The following SLC6A16 variants were observed in gnomAD, a reference collection of about 807,000 sequenced individuals.
SLC6A16 encodes the protein solute carrier family 6 member 16.
SLC6A16 carries 54 observed loss-of-function variants against 65.4 expected under a neutral mutation model. The ratio of observed to expected loss-of-function variants is 0.83; its 90% CI spans 0.66 to 1.04. The LOEUF (loss-of-function observed/expected upper bound fraction) is 1.04, where lower values mean the gene tolerates loss of function less well. Ranked by LOEUF, SLC6A16 falls within the 50% of genes least tolerant of loss-of-function variation. The pLI is 0.00. For synonymous variants in SLC6A16, 330 were observed against 346.5 expected (o/e 0.95, Z 0.53); for missense variants, 816 against 914.0 (o/e 0.89, Z 1.38).
Position 49,309,047 on chromosome 19 carries a change from C to A in SLC6A16, c.1058G>T (p.Gly353Val). 4 of 1,614,214 alleles carry A rather than the reference C, an allele frequency of 2.5e-6. No individual in the cohort carries two copies. Among genetic ancestry groups the A allele is most frequent in the Non-Finnish European group, 3.4e-6 (4 of 1,180,036 alleles). Residue 353 changes from glycine to valine, a missense_variant, in exon 7 of 12, where the codon GGC (glycine) becomes GTC (valine). Gly to Val is a moderately radical substitution (Grantham distance 109). Transcript: ENST00000335875. ...GGQVLSNTGI[G>V]LGSVASLASY... ...GGCTAAGGAGGCAACGGAGCCAAGG[C>A]CTATGCCTGTGTTAGACAAAACTTG... is the stretch of plus-strand genomic sequence containing the variant.
At chr19:49,291,920 A>G (rs1363377734) in intron 10 of SLC6A16, among the ~76,000 whole-genome samples, 2 of 152,046 alleles carry the variant, frequency 1.3e-5, no homozygotes, top group Non-Finnish European at 2.9e-5. Flanking sequence ...TACCTCTACT[A>G]TAGACTTACA....
rs923950883 is a variant in SLC6A16, at chr19:49,325,159, C to T, written c.-176G>A. On this transcript the variant is annotated 5_prime_UTR_variant, in exon 1 of 12. Transcript: ENST00000335875. ...AATCTCCTCAGGCCCCTTCAGGCGT[C>T]GACAGATCGGTTTGGGCGACACCCC... The T allele has an allele frequency of 2.0e-5, 20 of 985,364 alleles. No individual in the cohort carries two copies. The highest frequency in any genetic ancestry group is 1.2e-4 in the African/African-American group (7 of 57,234). 61.0% of individuals were successfully genotyped at this position (985,364 alleles called of 1,614,324 possible).
chr19:49,314,336 T>C (rs1167970526), intron 1 of SLC6A16, among the ~76,000 whole-genome samples: 1 of 152,164 alleles, frequency 6.6e-6, no homozygotes, highest in African/African-American at 2.4e-5. Context: ...CTCTTCCTTA[T>C]AGTAGAATAC....
At chr19:49,315,449 A>G (rs1419779392) in intron 1 of SLC6A16, among the ~76,000 whole-genome samples, 2 of 152,224 alleles carry the variant, frequency 1.3e-5, no homozygotes, top group Non-Finnish European at 2.9e-5. Context: ...AGAGAGAAGC[A>G]GAAAATCATG....
chr19:49,310,017 CTCT>C lies in SLC6A16; in HGVS notation c.700+20_700+22del. ...TCTACTTCTCCATTTTTCCCTTCTC[CTCT>C]TCTTTCACTTCCTCCTCACCAAAGC... On this transcript the variant is annotated intron_variant, in intron 4 of 11. Coordinates refer to ENST00000335875, the MANE Select transcript of SLC6A16 (RefSeq NM_014037.3). 1 of 1,610,966 alleles carries C rather than the reference CTCT, an allele frequency of 6.2e-7. No individual in the cohort carries two copies. Among genetic ancestry groups the C allele is most frequent in the Non-Finnish European group, 8.5e-7 (1 of 1,177,904 alleles).
At position 49,311,139 on chromosome 19, in the gene SLC6A16, G is replaced by T; in HGVS notation, c.209C>A (p.Ser70Tyr). 2 of 1,614,196 alleles carry T rather than the reference G, an allele frequency of 1.2e-6. No homozygotes were observed. Among genetic ancestry groups the T allele is most frequent in the Non-Finnish European group, 1.7e-6 (2 of 1,180,034 alleles). Residue 70 changes from serine to tyrosine, a missense_variant, in exon 2 of 12, where the codon TCT becomes TAT. Physicochemically the swap from Ser to Tyr is moderately radical, Grantham distance 144. Transcript: ENST00000335875. ...QARTSQPKQI[S>Y]VLEALTASAL... Reference sequence around the variant, plus strand: ...TGAGGCAGTTAACGCCTCCAATACAGAAATTTGCTTGGGCTGACTGGTCCT... The same window carrying T: ...TGAGGCAGTTAACGCCTCCAATACATAAATTTGCTTGGGCTGACTGGTCCT...
Position 49,325,091 on chromosome 19 carries a change from G to A in SLC6A16, c.-108C>T, listed in dbSNP as rs149878262. On this transcript the variant is annotated 5_prime_UTR_variant, in exon 1 of 12. Coordinates refer to ENST00000335875, the MANE Select transcript of SLC6A16 (RefSeq NM_014037.3). ...GCCAGGTTCTTCAGTCCAGCCAGTC[G>A]GACAAAAATGAGGGTGAAGAAGCCC... 5 of 985,582 alleles carry A rather than the reference G, an allele frequency of 5.1e-6. No individual in the cohort carries two copies. The highest frequency in any genetic ancestry group is 6.0e-6 in the Non-Finnish European group (5 of 830,056). 61.1% of individuals were successfully genotyped at this position (985,582 alleles called of 1,614,324 possible).
upstream of SLC6A16, among the ~76,000 whole-genome samples, chr19:49,326,336 C>T (rs928276564): frequency 2.6e-5 from 4 of 152,076 alleles, no homozygotes; most frequent in African/African-American, 9.7e-5. Context: ...TTCTGGCAAA[C>T]ATCACTATAT....
At chr19:49,312,033 C>T (rs971644370) in intron 1 of SLC6A16, among the ~76,000 whole-genome samples, 1 of 151,110 alleles carries the variant, frequency 6.6e-6, no homozygotes, top group Admixed American at 6.6e-5. Context: ...CCCACTACCA[C>T]ACCTGACTAA....
the SLC6A16 span, chr19:49,339,449 A>C: frequency 6.3e-7 from 1 of 1,591,088 alleles, no homozygotes; most frequent in Non-Finnish European, 8.6e-7. The surrounding 1 kb of genome is among the most constrained non-coding windows in gnomAD (Gnocchi z 4.5). Flanking sequence ...GATCGGCCCT[A>C]AATCCCTAGA....
chr19:49,327,802 G>T (rs2146192387), upstream of SLC6A16, among the ~76,000 whole-genome samples: 1 of 152,270 alleles, frequency 6.6e-6, no homozygotes, highest in South Asian at 2.1e-4. Context: ...GCATAGGGAA[G>T]AACATTCCAG....
chr19:49,332,098 C>T, the SLC6A16 span: 1 of 456,040 alleles, frequency 2.2e-6, no homozygotes, highest in Non-Finnish European at 4.4e-6. Context: ...GTCACCAGGG[C>T]CACACTCCCT....
chr19:49,327,936 T>G (rs1281942117), upstream of SLC6A16, among the ~76,000 whole-genome samples: 1 of 152,220 alleles, frequency 6.6e-6, no homozygotes, highest in East Asian at 1.9e-4. Flanking sequence ...ACAGATCAGA[T>G]CAGAGCAGTG....
the SLC6A16 span, among the ~76,000 whole-genome samples, chr19:49,333,482 A>C: frequency 7.2e-5 from 11 of 152,182 alleles, no homozygotes; most frequent in Non-Finnish European, 1.5e-4. Flanking sequence ...CAACCACCAA[A>C]AAAATAAAAG....
In SLC6A16 at chr19:49,293,772, C is replaced by G. The variant is rs985069303; in HGVS notation, c.1618+55G>C. ...GGGACCCTGTCCCAAAAAAAGAGTC[C>G]CAGTGGTGTCAGGGGTCAGGGTCAT... is the stretch of plus-strand genomic sequence containing the variant. On this transcript the variant is annotated intron_variant, in intron 9 of 11. Coordinates refer to ENST00000335875, the MANE Select transcript of SLC6A16 (RefSeq NM_014037.3). The G allele has an allele frequency of 5.4e-6, 8 of 1,495,010 alleles. No homozygotes were observed. The African/African-American group carries it at 9.7e-5, about 18-fold the overall frequency. The allele number at this position is 1,495,010 out of a possible 1,614,324, so 92.6% of individuals were successfully genotyped here.
chr19:49,339,668 T>C, the SLC6A16 span: 14 of 1,428,146 alleles, frequency 9.8e-6, no homozygotes, highest in South Asian at 4.5e-5. The surrounding 1 kb of genome is among the most constrained non-coding windows in gnomAD (Gnocchi z 4.5). Context: ...ATGACTGTCA[T>C]GGTGCTGAGC....
chr19:49,294,455 T>C lies in SLC6A16; in HGVS notation c.1328A>G (p.Asn443Ser). ...NLLYNPTSIY[N>S]AWLSGLPQHI... ...CTGGGGAAGGCCACTGAGCCAGGCATTGTAGATGGAGGTTGGGTTGTAAAG... is the reference window on the plus strand; with the variant it reads ...CTGGGGAAGGCCACTGAGCCAGGCACTGTAGATGGAGGTTGGGTTGTAAAG... Residue 443 changes from asparagine to serine, a missense_variant, in exon 8 of 12, where the codon AAT (asparagine) becomes AGT (serine). Physicochemically the swap from Asn to Ser is conservative, Grantham distance 46. Transcript: ENST00000335875. 1.9e-6 allele frequency: 3 copies of C among 1,613,900 alleles called. No homozygotes were observed. Among genetic ancestry groups the C allele is most frequent in the Non-Finnish European group, 2.5e-6 (3 of 1,179,964 alleles).
chr19:49,294,922 A>G (rs144469795), intron 7 of SLC6A16, among the ~76,000 whole-genome samples: 245 of 152,190 alleles, frequency 1.6e-3, no homozygotes, highest in African/African-American at 5.5e-3. Flanking sequence ...GAGCACACAG[A>G]CTATGATCAT....
At chr19:49,290,978 G>T (rs1870826456) in intron 10 of SLC6A16, among the ~76,000 whole-genome samples, 1 of 152,132 alleles carries the variant, frequency 6.6e-6, no homozygotes, top group African/African-American at 2.4e-5. Flanking sequence ...TCCTGCTCAA[G>T]AACTTTCCAT....
Sources: allele counts gnomAD v4.1 joint callset (sites outside exome capture counted in the v4.1 genomes callset), GRCh38; gene constraint gnomAD v4.1.1; non-coding constraint Gnocchi (gnomAD v3.1); transcripts MANE v1.5; gene names NCBI Gene and HGNC (gene_info 2026-07-23, HGNC 2026-07-21).